PRKCSH: variants seen among roughly 807,000 people sequenced by gnomAD.
PRKCSH encodes the protein glucosidase 2 subunit beta.
In PRKCSH, 42 loss-of-function variants were observed where a neutral mutation model predicts 79.7. The ratio of observed to expected loss-of-function variants is 0.53; its 90% CI spans 0.41 to 0.68. The LOEUF is 0.68. Ranked by LOEUF, PRKCSH falls within the 30% of genes least tolerant of loss-of-function variation. The pLI, the probability that PRKCSH is intolerant of heterozygous loss-of-function variation, is 0.00. For synonymous variants in PRKCSH, 325 were observed against 288.2 expected, an observed-to-expected ratio of 1.13 and a Z score of -1.29; for missense variants, 686 against 709.0, an observed-to-expected ratio of 0.97 and a Z score of 0.37.
chr19:11,448,479 C>T lies in PRKCSH; in HGVS notation c.1197-61C>T, dbSNP rs45531938. On this transcript the variant is annotated intron_variant, in intron 13 of 17. Transcript: ENST00000677123. This position sits in a 1 kb window ranked among gnomAD's most constrained non-coding sequence, Gnocchi z 4.4. ...CTCAGCCAGACCCTCCTGTGTCTGT[C>T]GTCCTGGGTCAGGCACTGGCGTCCC... 7.5e-3 allele frequency: 11,325 copies of T among 1,518,200 alleles called. 59 individuals carry two copies. The highest frequency in any genetic ancestry group is 0.013 in the South Asian group (1,149 of 88,960). 94.0% of individuals were successfully genotyped at this position (1,518,200 alleles called of 1,614,324 possible).
rs750423422 is a variant in PRKCSH at position 11,447,173 on chromosome 19, G to A, written c.849+13G>A. 6.2e-7 allele frequency: 1 copy of A among 1,612,750 alleles called. No homozygotes were observed. Among genetic ancestry groups the A allele is most frequent in the East Asian group, 2.2e-5 (1 of 44,850 alleles). On this transcript the variant is annotated intron_variant, in intron 10 of 17. Transcript: ENST00000677123. This position sits in a 1 kb window ranked among gnomAD's most constrained non-coding sequence, Gnocchi z 5.6. ...GTACCGGTCCGAGGTCAGTGGAGGA[G>A]AAGGGAGGGGACTTGGTCCTCCCAC...
chr19:11,436,001 A>G (rs146112769), intron 1 of PRKCSH, 40 bp from the exon 2 acceptor site: 55 of 1,379,274 alleles, frequency 4.0e-5, no homozygotes, highest in Non-Finnish European at 5.0e-5. Flanking sequence ...GGCTGGAAGT[A>G]GCCCTCTCCC....
intron 5 of PRKCSH, among the ~76,000 whole-genome samples, chr19:11,439,605 CTTTTTTTTTTTT>C (rs758607686): frequency 3.2e-4 from 22 of 68,848 alleles, no homozygotes; most frequent in South Asian, 1.6e-3. Flanking sequence ...TTTTTCTTTT[CTTTTTTTTTTTT>C]TTTTTTTTTT....
In PRKCSH at chr19:11,447,943, A is replaced by G; in HGVS notation, c.1126+154A>G. ...GGAGTCCAGGAAGGGGGCCTAGGGT[A>G]AGCCAGTCCCACCCTCGCCAGCCCC... On this transcript the variant is annotated intron_variant, in intron 12 of 17. Transcript: ENST00000677123. This position sits in a 1 kb window ranked among gnomAD's most constrained non-coding sequence, Gnocchi z 5.6. 1 of 966,174 alleles carries G rather than the reference A, an allele frequency of 1.0e-6. No homozygotes were observed. Among genetic ancestry groups the G allele is most frequent in the Non-Finnish European group, 1.5e-6 (1 of 664,840 alleles). 59.9% of individuals were successfully genotyped at this position (966,174 alleles called of 1,614,324 possible). A position where few individuals can be genotyped will look rare whatever the true frequency, so the allele number is the denominator to read the frequency against.
chr19:11,445,725 C>T (rs1970266385), intron 8 of PRKCSH: 2 of 566,760 alleles, frequency 3.5e-6, no homozygotes, highest in Non-Finnish European at 6.4e-6. Flanking sequence ...GGGAGTGTGT[C>T]TAGGCATCTA....
rs780914517 is a variant in PRKCSH, at chr19:11,436,203, C to A, written c.79+7C>A. ...CGGGGCGTCTCCCTCACCAGTGAGT[C>A]CTCCTGTTCACCCTCCCGCCAGGCT... On this transcript the variant is annotated splice_region_variant and intron_variant, in intron 2 of 17. Coordinates refer to ENST00000677123, the MANE Select transcript of PRKCSH (RefSeq NM_001289104.2). The A allele has an allele frequency of 1.4e-6, 2 of 1,467,664 alleles. No individual in the cohort carries two copies. Among genetic ancestry groups the A allele is most frequent in the African/African-American group, 3.0e-5 (2 of 66,524 alleles). 90.9% of individuals were successfully genotyped at this position (1,467,664 alleles called of 1,614,324 possible).
chr19:11,445,206 T>C (rs533605498), intron 7 of PRKCSH, among the ~76,000 whole-genome samples, 183 bp from the exon 8 acceptor site: 3 of 152,316 alleles, frequency 2.0e-5, no homozygotes, highest in African/African-American at 7.2e-5. Context: ...CCATTCACCT[T>C]GCTCTTCGTC....
At position 11,443,462 on chromosome 19, in the gene PRKCSH, T is replaced by C. The variant is rs897676105; in HGVS notation, c.598+947T>C. On this transcript the variant is annotated intron_variant, in intron 7 of 17. Coordinates refer to ENST00000677123, the MANE Select transcript of PRKCSH (RefSeq NM_001289104.2). ...CGGGAGGCTAAGGCAGGAGAATTGC[T>C]TGAACCAGGAAGTTGGAGGTTTTCA... Among the ~76,000 whole-genome samples the C allele has an allele frequency of 3.3e-5, 5 of 152,202 alleles. No homozygotes were observed. In the East Asian group the frequency reaches 5.9e-4, roughly 18 times the overall value.
intron 3 of PRKCSH, 152 bp downstream of exon 3, chr19:11,436,657 G>C: frequency 1.4e-6 from 1 of 709,250 alleles, no homozygotes; most frequent in East Asian, 2.8e-5. Flanking sequence ...ATGGCCCCGG[G>C]CAGCTGGAGG....
chr19:11,439,414 TAAAA>T (rs149089405), intron 5 of PRKCSH, among the ~76,000 whole-genome samples: 1 of 140,836 alleles, frequency 7.1e-6, no homozygotes, highest in African/African-American at 2.6e-5. Context: ...CTATAAAAAG[TAAAA>T]AAAAAAAATT....
At chr19:11,443,073 C>T in intron 7 of PRKCSH, among the ~76,000 whole-genome samples, 1 of 152,138 alleles carries the variant, frequency 6.6e-6, no homozygotes, top group East Asian at 1.9e-4. Context: ...AATCCAGTGA[C>T]CATTTTTCCT....
At position 11,448,893 on chromosome 19, in the gene PRKCSH, A is replaced by G. The variant is rs374913029; in HGVS notation, c.1287-21A>G. On this transcript the variant is annotated intron_variant, in intron 14 of 17. Transcript: ENST00000677123. The surrounding 1 kb of genome is among the most constrained non-coding windows in gnomAD (Gnocchi z 4.4). ...CTGGAATCCCTGCGTTCCCCAACCCATATGTCCCGGTCCTCCACAGATACG... is the reference window on the plus strand; with the variant it reads ...CTGGAATCCCTGCGTTCCCCAACCCGTATGTCCCGGTCCTCCACAGATACG... 4.2e-4 allele frequency: 680 copies of G among 1,613,980 alleles called. 1 individual carries two copies. Among genetic ancestry groups the G allele is most frequent in the Non-Finnish European group, 5.5e-4 (648 of 1,179,938 alleles).
chr19:11,435,917 G>A, intron 1 of PRKCSH, 124 bp from the exon 2 acceptor site: 1 of 921,908 alleles, frequency 1.1e-6, no homozygotes, highest in Non-Finnish European at 1.7e-6. Flanking sequence ...GGATTGGGGA[G>A]ATCGCTGCCC....
rs376847568 is a variant in PRKCSH at position 11,447,282 on chromosome 19, C to T, written c.849+122C>T. On this transcript the variant is annotated intron_variant, in intron 10 of 17. Transcript: ENST00000677123. The surrounding 1 kb of genome is among the most constrained non-coding windows in gnomAD (Gnocchi z 5.6). ...CCTGGCCAGCTGGGTGGCCCCAGCA[C>T]CCCCCACCGAGACCCCCCGACCCCA... is the stretch of plus-strand genomic sequence containing the variant. The T allele has an allele frequency of 1.0e-5, 14 of 1,348,462 alleles. No homozygotes were observed. Among genetic ancestry groups the T allele is most frequent in the East Asian group, 2.5e-5 (1 of 40,470 alleles). The allele number at this position is 1,348,462 out of a possible 1,614,324, so 83.5% of individuals were successfully genotyped here. A position where few individuals can be genotyped will look rare whatever the true frequency, so the allele number is the denominator to read the frequency against.
In PRKCSH at chr19:11,441,886, G is replaced by A. The variant is rs114031178; in HGVS notation, c.469-500G>A. ...TGCTAGTGGGAGGGACAGCCAGCCA[G>A]GGCTGCTGGACAAAGGGAAATTCGG... On this transcript the variant is annotated intron_variant, in intron 6 of 17. Transcript: ENST00000677123. Among the ~76,000 whole-genome samples the A allele has an allele frequency of 2.3e-3, 347 of 152,318 alleles. 2 individuals carry two copies. The highest frequency in any genetic ancestry group is 7.5e-3 in the African/African-American group (310 of 41,564).
intron 3 of PRKCSH, 93 bp downstream of exon 3, chr19:11,436,598 C>G: frequency 9.2e-7 from 1 of 1,081,790 alleles, no homozygotes; most frequent in Non-Finnish European, 1.4e-6. Flanking sequence ...CCTCTGCTGG[C>G]TCCCCTTTGA....
chr19:11,436,250 TG>T, intron 2 of PRKCSH, 54 bp downstream of exon 2: 1 of 1,601,772 alleles, frequency 6.2e-7, no homozygotes, highest in South Asian at 1.1e-5. Flanking sequence ...GGGCCAACAT[TG>T]GGCCTTAGGG....
chr19:11,444,862 C>G (rs1246871903), intron 7 of PRKCSH, among the ~76,000 whole-genome samples: 1 of 152,006 alleles, frequency 6.6e-6, no homozygotes, highest in African/African-American at 2.4e-5. Context: ...GCCAGCCCTG[C>G]CCCGACATGC....
chr19:11,448,583 G>C lies in PRKCSH; in HGVS notation c.1240G>C (p.Glu414Gln), dbSNP rs771385425. ...TTCTTTTGACTTTGGCCCCAACGGGGAGTTTGCTTACCTGTACAGCCAGTG... is the reference window on the plus strand; with the variant it reads ...TTCTTTTGACTTTGGCCCCAACGGGCAGTTTGCTTACCTGTACAGCCAGTG... ...EISFDFGPNG[E>Q]FAYLYSQCYE... The change falls in exon 14 of 18, where the codon GAG (glutamate) becomes CAG (glutamine). Residue 414 changes from glutamate (E) to glutamine (Q), a missense_variant. Physicochemically the swap from Glu to Gln is conservative, Grantham distance 29 (BLOSUM62 2). This residue lies in a region of PRKCSH where 137 missense variants were observed against 188.8 expected (regional missense o/e 0.73). Coordinates refer to ENST00000677123, the MANE Select transcript of PRKCSH (RefSeq NM_001289104.2). The surrounding 1 kb of genome is among the most constrained non-coding windows in gnomAD (Gnocchi z 4.4). The C allele has an allele frequency of 6.2e-7, 1 of 1,614,228 alleles. No homozygotes were observed. The highest frequency in any genetic ancestry group is 1.1e-5 in the South Asian group (1 of 91,086).
Sources: gnomAD v4.1 joint callset for allele counts (sites outside exome capture counted in the v4.1 genomes callset) on GRCh38, gnomAD v4.1.1 for gene constraint, gnomAD v4.1.1 regional missense constraint, Gnocchi (gnomAD v3.1) non-coding constraint, MANE v1.5 for transcripts, NCBI Gene and HGNC (gene_info 2026-07-23, HGNC 2026-07-21) for gene names.